Variants in PLCB1 observed in about 807,000 individuals in gnomAD.
The protein encoded by PLCB1 is phospholipase C beta 1, also known as 1-phosphatidylinositol 4,5-bisphosphate phosphodiesterase beta-1.
A neutral mutation model predicts 161.8 loss-of-function variants in PLCB1; 46 were observed. That is an observed-to-expected ratio of 0.28 (90% CI 0.22 to 0.36). PLCB1 has a LOEUF of 0.36. PLCB1 is among the 10% of genes least tolerant of loss of function. PLCB1 has a pLI of 1.00. For missense variants in PLCB1, 1,016 were observed against 1,472.5 expected (o/e 0.69, Z 5.07); for synonymous variants, 517 against 503.7 (o/e 1.03, Z -0.35).
intron 2 of PLCB1, among the ~76,000 whole-genome samples, chr20:8,159,147 T>A (rs2051594770): frequency 6.6e-6 from 1 of 152,162 alleles, no homozygotes; most frequent in East Asian, 1.9e-4. Flanking sequence ...AGCAGCAAGC[T>A]TCTGCCTGGA....
intron 3 of PLCB1, among the ~76,000 whole-genome samples, chr20:8,556,163 G>C (rs1453579870): frequency 6.6e-6 from 1 of 152,006 alleles, no homozygotes; most frequent in Non-Finnish European, 1.5e-5. Flanking sequence ...CAGTAGGAAA[G>C]ATGGCGGCCA....
In PLCB1 at chr20:8,762,626, C is replaced by T. The variant is rs558219084; in HGVS notation, c.2710+2166C>T. Among the ~76,000 whole-genome samples the T allele has an allele frequency of 4.6e-5, 7 of 152,186 alleles. No individual in the cohort carries two copies. In the South Asian group the frequency reaches 1.2e-3, roughly 27 times the overall value. On this transcript the variant is annotated intron_variant, in intron 25 of 31. Coordinates refer to ENST00000338037, the MANE Select transcript of PLCB1 (RefSeq NM_015192.4). Reference sequence around the variant, plus strand: ...CAGCAATTCCTTGGGATTATAAATTCTTAATGTAATAATTTATTATGCAAC... The same window carrying T: ...CAGCAATTCCTTGGGATTATAAATTTTTAATGTAATAATTTATTATGCAAC...
intron 3 of PLCB1, among the ~76,000 whole-genome samples, chr20:8,486,126 T>A (rs561779649): frequency 6.6e-6 from 1 of 152,220 alleles, no homozygotes; most frequent in South Asian, 2.1e-4. Context: ...AGCATGGTGG[T>A]AACCGCCCCC....
intron 3 of PLCB1, among the ~76,000 whole-genome samples, chr20:8,588,398 T>C (rs1254096216): frequency 6.6e-6 from 1 of 152,174 alleles, no homozygotes; most frequent in East Asian, 1.9e-4. Context: ...TTATTACTTA[T>C]ATAGCCAATG....
chr20:8,807,619 G>A (rs76840023), intron 31 of PLCB1, among the ~76,000 whole-genome samples: 2,746 of 151,696 alleles, frequency 0.018, 71 homozygotes, highest in African/African-American at 0.064. Context: ...TACACAGCAG[G>A]CACTGGGCTA....
At chr20:8,480,253 G>A (rs573991391) in intron 3 of PLCB1, among the ~76,000 whole-genome samples, 1 of 152,266 alleles carries the variant, frequency 6.6e-6, no homozygotes, top group African/African-American at 2.4e-5. Flanking sequence ...AAGCTGAACA[G>A]AGAATAAAAT....
At chr20:8,818,879 T>C (rs1985200089) in intron 31 of PLCB1, among the ~76,000 whole-genome samples, 1 of 149,956 alleles carries the variant, frequency 6.7e-6, no homozygotes, top group Admixed American at 6.7e-5. Context: ...AGGCGGAGGC[T>C]GCAGTGAGCC....
chr20:8,175,170 T>C (rs897772892), intron 2 of PLCB1, among the ~76,000 whole-genome samples: 7 of 151,650 alleles, frequency 4.6e-5, no homozygotes, highest in African/African-American at 1.7e-4. Context: ...GAAATCAAGA[T>C]AAAATCCTAA....
intron 10 of PLCB1, among the ~76,000 whole-genome samples, chr20:8,692,974 C>T (rs778492023): frequency 6.6e-6 from 1 of 152,020 alleles, no homozygotes; most frequent in Non-Finnish European, 1.5e-5. Flanking sequence ...TGAGAAGAAT[C>T]AAGATTTACC....
chr20:8,607,500 C>G (rs1439723111), intron 3 of PLCB1, among the ~76,000 whole-genome samples: 1 of 152,212 alleles, frequency 6.6e-6, no homozygotes, highest in Non-Finnish European at 1.5e-5. Context: ...TCCAGCCTCT[C>G]TGGACTCTGT....
At chr20:8,511,384 G>A (rs1323208936) in intron 3 of PLCB1, among the ~76,000 whole-genome samples, 3 of 152,060 alleles carry the variant, frequency 2.0e-5, no homozygotes, top group Admixed American at 6.5e-5. Flanking sequence ...GATGAATGGA[G>A]ATAAATATAT....
chr20:8,850,003 C>T (rs892102283), intron 31 of PLCB1, among the ~76,000 whole-genome samples: 4 of 152,288 alleles, frequency 2.6e-5, no homozygotes, highest in African/African-American at 9.6e-5. Context: ...CAGAGCAAGA[C>T]TCCGTCTAAA....
intron 2 of PLCB1, among the ~76,000 whole-genome samples, chr20:8,204,738 C>A (rs1366781957): frequency 6.6e-6 from 1 of 152,116 alleles, no homozygotes; most frequent in Non-Finnish European, 1.5e-5. Context: ...TTATAAAATA[C>A]CCAGTCTCAG....
At chr20:8,732,737 A>G (rs1980330323) in intron 18 of PLCB1, among the ~76,000 whole-genome samples, 1 of 144,564 alleles carries the variant, frequency 6.9e-6, no homozygotes, top group Non-Finnish European at 1.5e-5. Flanking sequence ...AATATATATT[A>G]GAATGATATA....
intron 3 of PLCB1, among the ~76,000 whole-genome samples, chr20:8,495,898 C>T (rs1422182607): frequency 6.6e-6 from 1 of 152,102 alleles, no homozygotes; most frequent in African/African-American, 2.4e-5. Context: ...TTCAAAGTAA[C>T]GAAGGGTACT....
At chr20:8,356,522 G>A (rs762640361) in intron 2 of PLCB1, among the ~76,000 whole-genome samples, 7 of 152,044 alleles carry the variant, frequency 4.6e-5, no homozygotes, top group African/African-American at 7.2e-5. Context: ...TCAAATCTAC[G>A]CGGTTTCTCT....
intron 3 of PLCB1, among the ~76,000 whole-genome samples, chr20:8,579,485 G>A (rs577323177): frequency 6.6e-6 from 1 of 152,208 alleles, no homozygotes; most frequent in Non-Finnish European, 1.5e-5. Context: ...GCCTCTACAT[G>A]TTGGGTTAGT....
At chr20:8,757,994 G>T (rs1221659609) in intron 24 of PLCB1, among the ~76,000 whole-genome samples, 1 of 151,904 alleles carries the variant, frequency 6.6e-6, no homozygotes, top group Non-Finnish European at 1.5e-5. Flanking sequence ...TACCCCAGTA[G>T]ATGGGAGGCT....
intron 2 of PLCB1, among the ~76,000 whole-genome samples, chr20:8,245,668 G>T (rs530619714): frequency 6.6e-6 from 1 of 151,908 alleles, no homozygotes; most frequent in African/African-American, 2.4e-5. Context: ...TTTATACTTG[G>T]CCACTCACAA....
Sources: allele counts gnomAD v4.1 joint callset (sites outside exome capture counted in the v4.1 genomes callset), GRCh38; gene constraint gnomAD v4.1.1; transcripts MANE v1.5; gene names NCBI Gene and HGNC (gene_info 2026-07-23, HGNC 2026-07-21).